Variants in ZNF148 observed in about 807,000 individuals in gnomAD.
ZNF148 encodes the protein zinc finger protein 148.
Under a neutral mutation model 67.7 loss-of-function variants are expected in ZNF148, and 7 were observed. The ratio of observed to expected loss-of-function variants is 0.10; its 90% confidence interval spans 0.06 to 0.19. The LOEUF is 0.19. ZNF148 is among the 10% of genes least tolerant of loss of function. The pLI is 1.00. For missense variants in ZNF148, 583 were observed against 947.1 expected (o/e 0.62, Z 5.05); for synonymous variants, 333 against 330.7 (o/e 1.01, Z -0.08).
intron 7 of ZNF148, among the ~76,000 whole-genome samples, chr3:125,263,407 C>T (rs1185388411): frequency 2.6e-5 from 4 of 152,098 alleles, no homozygotes; most frequent in South Asian, 2.1e-4. Flanking sequence ...AAAAATTAGC[C>T]GGGTGTGGTG....
intron 1 of ZNF148, among the ~76,000 whole-genome samples, chr3:125,334,292 A>C (rs1371303898): frequency 6.6e-6 from 1 of 152,194 alleles, no homozygotes; most frequent in Non-Finnish European, 1.5e-5. Flanking sequence ...TTTTTACAAC[A>C]CATTAAGATT....
intron 7 of ZNF148, among the ~76,000 whole-genome samples, chr3:125,256,076 A>T (rs1433463449): frequency 6.6e-6 from 1 of 152,026 alleles, no homozygotes; most frequent in Non-Finnish European, 1.5e-5. Flanking sequence ...TTAGAATTCC[A>T]TTTAAAAAAA....
At chr3:125,273,437 G>C (rs2107597867) in intron 7 of ZNF148, among the ~76,000 whole-genome samples, 1 of 151,156 alleles carries the variant, frequency 6.6e-6, no homozygotes, top group African/African-American at 2.4e-5. Context: ...GAAACCTAGT[G>C]AACATATATA....
chr3:125,280,492 G>C (rs984608312), intron 5 of ZNF148, among the ~76,000 whole-genome samples: 1 of 151,880 alleles, frequency 6.6e-6, no homozygotes, highest in Non-Finnish European at 1.5e-5. Context: ...GACCAGCCTG[G>C]GCAAAATGAG....
chr3:125,371,372 A>AGGGGG (rs59807253), intron 1 of ZNF148, among the ~76,000 whole-genome samples: 19 of 65,368 alleles, frequency 2.9e-4, no homozygotes, highest in African/African-American at 4.0e-4. Flanking sequence ...AAAAAAAAAA[A>AGGGGG]GGGGGGGGGG....
intron 3 of ZNF148, among the ~76,000 whole-genome samples, chr3:125,317,609 A>T (rs181369838): frequency 6.7e-6 from 1 of 148,982 alleles, no homozygotes; most frequent in East Asian, 1.9e-4. Flanking sequence ...AAGTGAAAAA[A>T]AATCAAGGAG....
intron 4 of ZNF148, among the ~76,000 whole-genome samples, chr3:125,300,567 G>A (rs970032146): frequency 2.0e-5 from 3 of 152,188 alleles, no homozygotes; most frequent in East Asian, 3.8e-4. Flanking sequence ...ATGCGTAACA[G>A]TATGCCTGCA....
At position 125,308,629 on chromosome 3, in the gene ZNF148, T is replaced by C. The variant is rs1176039920; in HGVS notation, c.333+4679A>G. On this transcript the variant is annotated intron_variant, in intron 4 of 8. Transcript: ENST00000360647. Reference sequence around the variant, plus strand: ...ACAGTATTACAAAAGAACAACAAAATTGGAGGACATACACAATTTGATTTC... The same window carrying C: ...ACAGTATTACAAAAGAACAACAAAACTGGAGGACATACACAATTTGATTTC... Among the ~76,000 whole-genome samples the C allele has an allele frequency of 2.6e-5, 4 of 151,050 alleles. No individual in the cohort carries two copies. The East Asian group carries it at 7.7e-4, about 29-fold the overall frequency.
At chr3:125,320,148 A>G (rs1450710336) in intron 3 of ZNF148, among the ~76,000 whole-genome samples, 1 of 152,132 alleles carries the variant, frequency 6.6e-6, no homozygotes, top group African/African-American at 2.4e-5. Context: ...CATGTGTTTA[A>G]ATGTATCTTC....
chr3:125,299,474 G>A (rs1939471777), intron 4 of ZNF148, among the ~76,000 whole-genome samples: 1 of 152,074 alleles, frequency 6.6e-6, no homozygotes, highest in Non-Finnish European at 1.5e-5. Context: ...AGGCCAGCCT[G>A]GGCAACCTAG....
intron 1 of ZNF148, among the ~76,000 whole-genome samples, chr3:125,364,350 C>T (rs1352332665): frequency 2.0e-5 from 3 of 152,106 alleles, no homozygotes. Flanking sequence ...AGTGAGCAGA[C>T]ATCGCACCAC....
At chr3:125,300,150 T>C (rs978072779) in intron 4 of ZNF148, among the ~76,000 whole-genome samples, 1 of 152,092 alleles carries the variant, frequency 6.6e-6, no homozygotes, top group African/African-American at 2.4e-5. Context: ...TTTTGTATTT[T>C]TAGTAGAGAC....
chr3:125,337,450 G>T (rs749501482), intron 1 of ZNF148, among the ~76,000 whole-genome samples: 20 of 152,170 alleles, frequency 1.3e-4, no homozygotes, highest in Non-Finnish European at 2.2e-4. Flanking sequence ...TAATGTAAAT[G>T]AGTTTTTAAG....
chr3:125,335,468 T>C (rs1212360337), intron 1 of ZNF148, among the ~76,000 whole-genome samples: 1 of 152,170 alleles, frequency 6.6e-6, no homozygotes, highest in Admixed American at 6.5e-5. Flanking sequence ...AACATTACCT[T>C]ACCTAGAATT....
intron 1 of ZNF148, among the ~76,000 whole-genome samples, chr3:125,359,821 C>T (rs1045140925): frequency 9.8e-5 from 15 of 152,336 alleles, no homozygotes; most frequent in East Asian, 1.9e-4. Flanking sequence ...CTTCAGCGAG[C>T]GCCCACCTGC....
At chr3:125,314,110 G>T (rs531053846) in intron 3 of ZNF148, among the ~76,000 whole-genome samples, 2 of 152,044 alleles carry the variant, frequency 1.3e-5, no homozygotes, top group South Asian at 4.2e-4. Flanking sequence ...AGTAATCCAA[G>T]AAATTACCAT....
intron 5 of ZNF148, among the ~76,000 whole-genome samples, chr3:125,285,322 A>G (rs1049321843): frequency 6.6e-6 from 1 of 152,196 alleles, no homozygotes; most frequent in African/African-American, 2.4e-5. Flanking sequence ...CATACCAAAG[A>G]GCAGAATGAA....
chr3:125,267,256 C>T (rs140380859), intron 7 of ZNF148, among the ~76,000 whole-genome samples: 6 of 149,530 alleles, frequency 4.0e-5, no homozygotes, highest in South Asian at 2.1e-4. Flanking sequence ...AAAGACACAA[C>T]GGGGAAAAAA....
intron 7 of ZNF148, among the ~76,000 whole-genome samples, chr3:125,239,819 A>T (rs1936265146): frequency 1.3e-5 from 2 of 152,240 alleles, no homozygotes; most frequent in Non-Finnish European, 2.9e-5. Context: ...AATGGAATGG[A>T]ATATTACTCA....
Sources: gnomAD v4.1 joint callset for allele counts (sites outside exome capture counted in the v4.1 genomes callset) on GRCh38, gnomAD v4.1.1 for gene constraint, MANE v1.5 for transcripts, NCBI Gene and HGNC (gene_info 2026-07-23, HGNC 2026-07-21) for gene names.